Variants in KIAA1217 observed in about 807,000 individuals in gnomAD.
KIAA1217 encodes KIAA1217.
Under a neutral mutation model 163.9 loss-of-function variants are expected in KIAA1217, and 88 were observed. The observed-to-expected ratio is 0.54, with a 90% CI of 0.45 to 0.64. The LOEUF is 0.64. Among genes scored for constraint, KIAA1217 ranks in the 30% least tolerant of loss-of-function variants. The probability of loss-of-function intolerance (pLI) is 0.00; values close to 1 mark genes in which losing one functional copy is unlikely to be tolerated. For synonymous variants in KIAA1217, 903 were observed against 923.1 expected, an observed-to-expected ratio of 0.98 and a Z score of 0.39; for missense variants, 2,372 against 2,475.0, an observed-to-expected ratio of 0.96 and a Z score of 0.88.
At chr10:24,432,333 G>T (rs2059668346) in intron 3 of KIAA1217, among the ~76,000 whole-genome samples, 1 of 151,490 alleles carries the variant, frequency 6.6e-6, no homozygotes, top group Non-Finnish European at 1.5e-5. Context: ...GGCCAGACTG[G>T]TCTGAAACTC....
intron 2 of KIAA1217, among the ~76,000 whole-genome samples, chr10:24,073,900 G>C (rs149987986): frequency 6.6e-6 from 1 of 152,180 alleles, no homozygotes; most frequent in South Asian, 2.1e-4. Flanking sequence ...CAGGGTTTCT[G>C]TAGTAGGTGG....
chr10:24,305,634 A>C (rs930008760), intron 2 of KIAA1217, among the ~76,000 whole-genome samples: 1 of 152,202 alleles, frequency 6.6e-6, no homozygotes, highest in Non-Finnish European at 1.5e-5. Context: ...AGCAAGATGG[A>C]GTTAGTTAGC....
intron 2 of KIAA1217, among the ~76,000 whole-genome samples, chr10:24,030,636 A>G (rs935542983): frequency 6.6e-6 from 1 of 152,122 alleles, no homozygotes; most frequent in Non-Finnish European, 1.5e-5. Flanking sequence ...GTCTTCCTCA[A>G]CCTGAACTCT....
chr10:24,366,536 G>C (rs1031370366), intron 2 of KIAA1217, among the ~76,000 whole-genome samples: 2 of 152,192 alleles, frequency 1.3e-5, no homozygotes, highest in African/African-American at 4.8e-5. Context: ...GTAAACCAAA[G>C]GCACACTCCA....
intron 1 of KIAA1217, among the ~76,000 whole-genome samples, chr10:23,703,855 T>G (rs1350957070): frequency 6.6e-6 from 1 of 151,972 alleles, no homozygotes; most frequent in East Asian, 1.9e-4. Context: ...GCACTGATTT[T>G]TGTCACATAC....
intron 2 of KIAA1217, among the ~76,000 whole-genome samples, chr10:24,111,942 T>C (rs2062863140): frequency 6.6e-6 from 1 of 151,752 alleles, no homozygotes; most frequent in Non-Finnish European, 1.5e-5. Flanking sequence ...TAATTTGTTT[T>C]TGTTGTTGTT....
chr10:23,906,287 C>T (rs1159030461), intron 1 of KIAA1217, among the ~76,000 whole-genome samples: 1 of 151,944 alleles, frequency 6.6e-6, no homozygotes, highest in Non-Finnish European at 1.5e-5. Context: ...AATACACATA[C>T]ACACAAACAC....
rs1456247161 is a variant in KIAA1217 at position 24,219,667 on chromosome 10, G to T, written c.112G>T (p.Ala38Ser). ...GNLHVTSPED[A>S]ECRRTKERLS... is the part of the protein sequence containing the mutation. Reference sequence around the variant, plus strand: ...TCTGCATGTAACATCACCAGAAGATGCAGAATGCCGCAGAACCAAGGAACG... The same window carrying T: ...TCTGCATGTAACATCACCAGAAGATTCAGAATGCCGCAGAACCAAGGAACG... Residue 38 changes from alanine (A) to serine (S), a missense_variant, in exon 2 of 21, where the codon GCA becomes TCA. Coordinates refer to ENST00000376454, the MANE Select transcript of KIAA1217 (RefSeq NM_019590.5). The T allele has an allele frequency of 6.2e-7, 1 of 1,612,382 alleles. No individual in the cohort carries two copies. Among genetic ancestry groups the T allele is most frequent in the East Asian group, 2.2e-5 (1 of 44,852 alleles).
chr10:24,525,970 G>A (rs915841677), intron 13 of KIAA1217, among the ~76,000 whole-genome samples: 3 of 152,176 alleles, frequency 2.0e-5, no homozygotes, highest in East Asian at 1.9e-4. Flanking sequence ...TAGCCTGGGC[G>A]ACAGAGTGAG....
chr10:24,021,338 CA>C (rs1267143598), intron 2 of KIAA1217, among the ~76,000 whole-genome samples: 1 of 151,812 alleles, frequency 6.6e-6, no homozygotes, highest in Non-Finnish European at 1.5e-5. Context: ...AGTAAAAACA[CA>C]ACACCATTTA....
At chr10:24,229,797 C>T (rs1262655158) in intron 2 of KIAA1217, among the ~76,000 whole-genome samples, 1 of 152,112 alleles carries the variant, frequency 6.6e-6, no homozygotes, top group East Asian at 1.9e-4. Context: ...AGTCATGAGC[C>T]ACTGTACCCA....
At chr10:23,781,092 G>A (rs1319601531) in intron 1 of KIAA1217, among the ~76,000 whole-genome samples, 1 of 152,140 alleles carries the variant, frequency 6.6e-6, no homozygotes, top group Non-Finnish European at 1.5e-5. Context: ...TCTTTATGAG[G>A]TGCTGATTTC....
chr10:23,979,072 G>C (rs1845657425), intron 1 of KIAA1217, among the ~76,000 whole-genome samples: 1 of 152,124 alleles, frequency 6.6e-6, no homozygotes, highest in South Asian at 2.1e-4. Context: ...CTGCAACTGA[G>C]ACTTACCTGT....
intron 2 of KIAA1217, among the ~76,000 whole-genome samples, chr10:24,171,248 A>T (rs2065615032): frequency 6.6e-6 from 1 of 152,232 alleles, no homozygotes; most frequent in Non-Finnish European, 1.5e-5. Flanking sequence ...GCTTACAACG[A>T]ATTTATAACA....
chr10:24,447,638 G>T (rs1434371944), intron 5 of KIAA1217, among the ~76,000 whole-genome samples: 1 of 152,194 alleles, frequency 6.6e-6, no homozygotes, highest in East Asian at 1.9e-4. Context: ...GATAGAAAAA[G>T]ATACTTACTT....
intron 1 of KIAA1217, among the ~76,000 whole-genome samples, chr10:23,934,577 A>G (rs371547331): frequency 0.031 from 1,787 of 57,246 alleles, 143 homozygotes; most frequent in African/African-American, 0.2. Context: ...ATATATATAT[A>G]TATATATATA....
At chr10:24,407,459 G>A (rs1453189264) in intron 3 of KIAA1217, among the ~76,000 whole-genome samples, 1 of 151,992 alleles carries the variant, frequency 6.6e-6, no homozygotes, top group Non-Finnish European at 1.5e-5. Context: ...AAGCTCAACT[G>A]ATTTTTTCAT....
chr10:24,492,325 G>A (rs2066257750), intron 6 of KIAA1217, among the ~76,000 whole-genome samples: 1 of 152,122 alleles, frequency 6.6e-6, no homozygotes, highest in Non-Finnish European at 1.5e-5. Flanking sequence ...TTTGATATGT[G>A]GACTATTTTA....
chr10:24,426,993 A>C (rs1288291794), intron 3 of KIAA1217, among the ~76,000 whole-genome samples: 1 of 152,190 alleles, frequency 6.6e-6, no homozygotes, highest in Non-Finnish European at 1.5e-5. Context: ...AAAGATAATG[A>C]AGATGTGTGG....
Sources: gnomAD v4.1 joint callset for allele counts (sites outside exome capture counted in the v4.1 genomes callset) on GRCh38, gnomAD v4.1.1 for gene constraint, MANE v1.5 for transcripts, NCBI Gene and HGNC (gene_info 2026-07-23, HGNC 2026-07-21) for gene names.